FRMD4A: variants seen among roughly 807,000 people sequenced by gnomAD.
The protein encoded by FRMD4A is FERM domain containing 4A, also known as FERM domain-containing protein 4A.
In FRMD4A, 29 loss-of-function variants were observed where a neutral mutation model predicts 129.1. That is an observed-to-expected ratio of 0.22 (90% confidence interval 0.17 to 0.31). FRMD4A has a LOEUF of 0.31. Ranked by LOEUF, FRMD4A falls within the 10% of genes least tolerant of loss-of-function variation. The pLI is 1.00. For synonymous variants in FRMD4A, 634 were observed against 571.6 expected (o/e 1.11, Z -1.56); for missense variants, 1,272 against 1,375.8 (o/e 0.92, Z 1.19).
chr10:13,700,942 G>C (rs1238088736), intron 14 of FRMD4A, among the ~76,000 whole-genome samples: 1 of 144,070 alleles, frequency 6.9e-6, no homozygotes, highest in East Asian at 2.1e-4. Context: ...GTTAGGTGGT[G>C]TCTATTCGTT....
intron 2 of FRMD4A, among the ~76,000 whole-genome samples, chr10:14,024,026 A>G (rs1565192506): frequency 6.6e-6 from 1 of 152,150 alleles, no homozygotes; most frequent in Non-Finnish European, 1.5e-5. Context: ...TGGTTCATTC[A>G]GGGAATAGCT....
intron 12 of FRMD4A, among the ~76,000 whole-genome samples, chr10:13,736,013 C>T (rs1360426209): frequency 1.3e-5 from 2 of 151,950 alleles, no homozygotes; most frequent in Non-Finnish European, 2.9e-5. Context: ...ATCAGCCAGG[C>T]GTGGTGGCAG....
At chr10:14,238,510 T>A (rs1843913930) in intron 2 of FRMD4A, among the ~76,000 whole-genome samples, 1 of 152,162 alleles carries the variant, frequency 6.6e-6, no homozygotes, top group Non-Finnish European at 1.5e-5. Context: ...ATTTTTTATT[T>A]TATTATTTAT....
At chr10:14,329,221 A>G (rs1321657147) in intron 2 of FRMD4A, among the ~76,000 whole-genome samples, 2 of 152,184 alleles carry the variant, frequency 1.3e-5, no homozygotes, top group South Asian at 2.1e-4. Context: ...AATGCTGGAA[A>G]CATTTCCATG....
Position 13,884,206 on chromosome 10 carries a change from A to G in FRMD4A, c.46-25294T>C, listed in dbSNP as rs796121104. ...CACACACACACACACTCACACACACACTCACACACACACACACACACACAC... is the reference window on the plus strand; with the variant it reads ...CACACACACACACACTCACACACACGCTCACACACACACACACACACACAC... On this transcript the variant is annotated intron_variant, in intron 2 of 24. Coordinates refer to ENST00000357447, the MANE Select transcript of FRMD4A (RefSeq NM_018027.5). 1.9e-3 allele frequency among the ~76,000 whole-genome samples: 157 copies of G among 83,114 alleles called. 1 individual carries two copies. Among genetic ancestry groups the G allele is most frequent in the South Asian group, 0.014 (29 of 2,120 alleles). The allele number at this position is 83,114 out of a possible 152,430, so 54.5% of individuals were successfully genotyped here. A position where few individuals can be genotyped will look rare whatever the true frequency, so the allele number is the denominator to read the frequency against.
At chr10:14,313,340 G>A (rs868536333) in intron 2 of FRMD4A, among the ~76,000 whole-genome samples, 3 of 152,058 alleles carry the variant, frequency 2.0e-5, no homozygotes, top group African/African-American at 7.2e-5. Context: ...TCCACCTTGG[G>A]TAACAGAGCA....
intron 19 of FRMD4A, 115 bp downstream of exon 19, chr10:13,663,338 A>C: frequency 1.5e-6 from 1 of 677,098 alleles, no homozygotes; most frequent in East Asian, 2.7e-5. Context: ...CAGGGAGCCC[A>C]GCTGCCTTTT....
At chr10:14,210,372 A>G (rs1396436311) in intron 2 of FRMD4A, among the ~76,000 whole-genome samples, 1 of 152,136 alleles carries the variant, frequency 6.6e-6, no homozygotes, top group African/African-American at 2.4e-5. Context: ...GAACTGGGAG[A>G]CATTCCTGTT....
intron 12 of FRMD4A, among the ~76,000 whole-genome samples, chr10:13,735,720 C>A (rs1406756882): frequency 6.6e-6 from 1 of 152,192 alleles, no homozygotes; most frequent in Non-Finnish European, 1.5e-5. Context: ...CTGCTGTAGA[C>A]CTCAATTATG....
intron 2 of FRMD4A, among the ~76,000 whole-genome samples, chr10:14,322,272 G>C (rs1399558526): frequency 1.3e-5 from 2 of 152,054 alleles, no homozygotes; most frequent in Non-Finnish European, 1.5e-5. Context: ...AGCTGAACCA[G>C]GTAGATGACA....
intron 2 of FRMD4A, among the ~76,000 whole-genome samples, chr10:13,968,856 G>T (rs1399639305): frequency 6.6e-6 from 1 of 152,100 alleles, no homozygotes; most frequent in Admixed American, 6.5e-5. Flanking sequence ...TTTTGAGGGG[G>T]GAGTGAAGTT....
At chr10:14,325,214 T>C (rs1194668977) in intron 2 of FRMD4A, among the ~76,000 whole-genome samples, 1 of 152,210 alleles carries the variant, frequency 6.6e-6, no homozygotes. Context: ...GGAAAAGCCA[T>C]AGGCTTATTA....
intron 2 of FRMD4A, among the ~76,000 whole-genome samples, chr10:14,010,662 G>GTTTTTTTTTTTT (rs1404083388): frequency 1.5e-5 from 1 of 66,496 alleles, no homozygotes; most frequent in Admixed American, 1.9e-4. Context: ...TCGAGTTTAG[G>GTTTTTTTTTTTT]TCTTTTTTTT....
intron 2 of FRMD4A, chr10:13,891,826 C>G: frequency 1.2e-6 from 1 of 810,088 alleles, no homozygotes; most frequent in Middle Eastern, 6.3e-4. Flanking sequence ...CCGCTCGCGC[C>G]TCTCGCGCCG....
At chr10:14,144,274 G>C (rs867456402) in intron 2 of FRMD4A, among the ~76,000 whole-genome samples, 9 of 152,274 alleles carry the variant, frequency 5.9e-5, no homozygotes, top group Middle Eastern at 3.4e-3. Flanking sequence ...CATTACCTGA[G>C]CCTTTAGGAA....
chr10:13,888,560 G>A (rs901699792), intron 2 of FRMD4A, among the ~76,000 whole-genome samples: 1 of 152,164 alleles, frequency 6.6e-6, no homozygotes, highest in Non-Finnish European at 1.5e-5. Flanking sequence ...AGCTCAAGGG[G>A]AATATAGTTT....
At chr10:13,876,861 C>A (rs924374079) in intron 2 of FRMD4A, among the ~76,000 whole-genome samples, 1 of 151,494 alleles carries the variant, frequency 6.6e-6, no homozygotes, top group African/African-American at 2.4e-5. Context: ...ATTTCAAGGG[C>A]AATTATGTAA....
rs75492479 is a variant in FRMD4A at position 14,237,903 on chromosome 10, C to T, written c.45+92155G>A. On this transcript the variant is annotated intron_variant, in intron 2 of 24. Coordinates refer to ENST00000357447, the MANE Select transcript of FRMD4A (RefSeq NM_018027.5). Reference sequence around the variant, plus strand: ...GCTTCTCCTAGCAGCAGGGCACGCACAGCCCTGTTTTCTCATCTGCTTTCA... The same window carrying T: ...GCTTCTCCTAGCAGCAGGGCACGCATAGCCCTGTTTTCTCATCTGCTTTCA... Among the ~76,000 whole-genome samples, 1,469 of 152,330 alleles carry T rather than the reference C, an allele frequency of 9.6e-3. 29 individuals are homozygous for T. Among genetic ancestry groups the T allele is most frequent in the African/African-American group, 0.034 (1,414 of 41,576 alleles).
At chr10:14,266,774 A>G (rs1844995770) in intron 2 of FRMD4A, among the ~76,000 whole-genome samples, 1 of 152,220 alleles carries the variant, frequency 6.6e-6, no homozygotes, top group South Asian at 2.1e-4. Context: ...TGTAGTTTAA[A>G]GTTAATTATA....
Sources: gnomAD v4.1 joint callset for allele counts (sites outside exome capture counted in the v4.1 genomes callset) on GRCh38, gnomAD v4.1.1 for gene constraint, MANE v1.5 for transcripts, NCBI Gene and HGNC (gene_info 2026-07-23, HGNC 2026-07-21) for gene names.